Variants in PLCG2 observed in about 807,000 individuals in gnomAD.
PLCG2 encodes phospholipase C gamma 2, also known as 1-phosphatidylinositol 4,5-bisphosphate phosphodiesterase gamma-2.
PLCG2 carries 69 observed loss-of-function variants against 175.6 expected under a neutral mutation model. That is an observed-to-expected ratio of 0.39 (90% confidence interval 0.32 to 0.48). The LOEUF (loss-of-function observed/expected upper bound fraction) is 0.48. Among genes scored for constraint, PLCG2 ranks in the 20% least tolerant of loss-of-function variants. PLCG2 has a pLI of 0.91. For synonymous variants in PLCG2, 827 were observed against 624.0 expected (o/e 1.33, Z -4.85); for missense variants, 1,798 against 1,650.9 (o/e 1.09, Z -1.54).
At chr16:81,778,845 C>G (rs906864994), upstream of PLCG2, among the ~76,000 whole-genome samples, 28 of 152,208 alleles carry the variant, frequency 1.8e-4, no homozygotes, top group Middle Eastern at 3.4e-3. Context: ...GACGGAGTGT[C>G]TCTCGGCCAC....
chr16:81,789,522 C>G (rs1246027021), intron 2 of PLCG2, among the ~76,000 whole-genome samples: 1 of 152,220 alleles, frequency 6.6e-6, no homozygotes, highest in Non-Finnish European at 1.5e-5. Flanking sequence ...CTCCTGGCCT[C>G]AAGTGATCCT....
At chr16:81,879,536 A>G (rs1336291322) in intron 7 of PLCG2, among the ~76,000 whole-genome samples, 2 of 152,172 alleles carry the variant, frequency 1.3e-5, no homozygotes, top group African/African-American at 4.8e-5. Context: ...GAGGCCTGCG[A>G]TTCCCTTTCT....
intron 1 of PLCG2, among the ~76,000 whole-genome samples, chr16:81,783,715 A>G (rs1203412374): frequency 6.6e-6 from 1 of 152,236 alleles, no homozygotes; most frequent in Admixed American, 6.5e-5. Flanking sequence ...ATGGCTGCTT[A>G]ACAAGGATGA....
intron 1 of PLCG2, among the ~76,000 whole-genome samples, chr16:81,741,349 C>T (rs892224093): frequency 2.0e-5 from 3 of 152,170 alleles, no homozygotes; most frequent in African/African-American, 7.2e-5. Flanking sequence ...GAAGTAGAAT[C>T]GCTTCTATTT....
intron 1 of PLCG2, among the ~76,000 whole-genome samples, chr16:81,753,751 G>C (rs150280650): frequency 1.7e-3 from 262 of 152,314 alleles, no homozygotes; most frequent in African/African-American, 5.9e-3. Flanking sequence ...GGAGGTGACA[G>C]ATGCCACAGC....
intron 2 of PLCG2, among the ~76,000 whole-genome samples, chr16:81,769,712 T>C (rs575414887): frequency 5.5e-5 from 8 of 146,376 alleles, no homozygotes; most frequent in South Asian, 2.1e-4. Context: ...CCCAGCTACT[T>C]GGGAGGCTGA....
chr16:81,890,437 T>G (rs1421170585), intron 10 of PLCG2, among the ~76,000 whole-genome samples: 1 of 152,270 alleles, frequency 6.6e-6, no homozygotes, highest in Non-Finnish European at 1.5e-5. Flanking sequence ...TCTGTTTCAC[T>G]GTCATAATTT....
intron 17 of PLCG2, among the ~76,000 whole-genome samples, chr16:81,910,274 A>G (rs946320366): frequency 6.6e-6 from 1 of 152,152 alleles, no homozygotes; most frequent in Admixed American, 6.5e-5. Flanking sequence ...TATTTTTAGT[A>G]GAGACGAGAT....
At chr16:81,876,016 CTTTTTTTTT>C (rs547152035) in intron 7 of PLCG2, among the ~76,000 whole-genome samples, 4 of 114,992 alleles carry the variant, frequency 3.5e-5, no homozygotes, top group South Asian at 2.9e-4. Context: ...CTTTTTCTTT[CTTTTTTTTT>C]TTTTTTTTTT....
At chr16:81,744,555 T>C (rs563397299) in intron 1 of PLCG2, among the ~76,000 whole-genome samples, 15 of 152,196 alleles carry the variant, frequency 9.9e-5, no homozygotes, top group African/African-American at 3.6e-4. Flanking sequence ...ACTCCATAAA[T>C]AGCAGTCATG....
chr16:81,921,622 G>C lies in PLCG2; in HGVS notation c.2307+353G>C, dbSNP rs140446834. On this transcript the variant is annotated intron_variant, in intron 21 of 32. Coordinates refer to ENST00000564138, the MANE Select transcript of PLCG2 (RefSeq NM_002661.5). ...CATTTGGTTCACTGACCTCCTTGCAGTGCAAATGCTATCTCATATTCCCAC... is the reference window on the plus strand; with the variant it reads ...CATTTGGTTCACTGACCTCCTTGCACTGCAAATGCTATCTCATATTCCCAC... 1.0e-3 allele frequency: 358 copies of C among 355,672 alleles called. 1 individual carries two copies. The highest frequency in any genetic ancestry group is 7.0e-3 in the African/African-American group (327 of 47,026). The allele number at this position is 355,672 out of a possible 1,614,324, so 22.0% of individuals were successfully genotyped here.
intron 14 of PLCG2, among the ~76,000 whole-genome samples, chr16:81,901,458 G>A (rs1320532504): frequency 2.0e-5 from 3 of 152,200 alleles, no homozygotes; most frequent in South Asian, 4.1e-4. Flanking sequence ...TAGCCCACAA[G>A]GTGACTCAGG....
intron 2 of PLCG2, among the ~76,000 whole-genome samples, chr16:81,815,152 A>T (rs1672396605): frequency 6.6e-6 from 1 of 152,184 alleles, no homozygotes; most frequent in South Asian, 2.1e-4. Context: ...AGCACCTGTG[A>T]TATGACGCTC....
At chr16:81,880,083 G>GA (rs1908004614) in intron 7 of PLCG2, among the ~76,000 whole-genome samples, 1 of 152,098 alleles carries the variant, frequency 6.6e-6, no homozygotes, top group African/African-American at 2.4e-5. Flanking sequence ...TCTACAAAAA[G>GA]AAAAAATATT....
At chr16:81,839,485 C>T (rs1028763574) in intron 2 of PLCG2, among the ~76,000 whole-genome samples, 2 of 152,090 alleles carry the variant, frequency 1.3e-5, no homozygotes, top group African/African-American at 4.8e-5. Flanking sequence ...AAGTAATGAG[C>T]CCTTCCTTTA....
upstream of PLCG2, among the ~76,000 whole-genome samples, chr16:81,778,042 A>C (rs1232804915): frequency 4.0e-5 from 4 of 101,100 alleles, no homozygotes; most frequent in South Asian, 3.8e-4. Context: ...CAAAAAAAAA[A>C]CAAAAAAAAA....
intron 11 of PLCG2, among the ~76,000 whole-genome samples, chr16:81,892,356 A>G (rs915090273): frequency 6.6e-6 from 1 of 152,172 alleles, no homozygotes; most frequent in Non-Finnish European, 1.5e-5. Context: ...AGGAGGATAC[A>G]GGATGTTGCG....
chr16:81,925,482 C>T (rs991563457), intron 22 of PLCG2, among the ~76,000 whole-genome samples: 4 of 152,198 alleles, frequency 2.6e-5, no homozygotes, highest in Non-Finnish European at 4.4e-5. Context: ...TTACAACCCG[C>T]AGTCCTGTGT....
chr16:81,872,923 C>T lies in PLCG2; in HGVS notation c.648+1988C>T, dbSNP rs555336722. 8.5e-5 allele frequency among the ~76,000 whole-genome samples: 13 copies of T among 152,340 alleles called. No individual in the cohort carries two copies. In the East Asian group the frequency reaches 2.3e-3, roughly 27 times the overall value. ...TCTGCATGCAGAGCTGTGGGCTGGC[C>T]ACACAGTGAGGCCACCTGATGGGTG... On this transcript the variant is annotated intron_variant, in intron 7 of 32. Transcript: ENST00000564138.
Sources: gnomAD v4.1 joint callset for allele counts (sites outside exome capture counted in the v4.1 genomes callset) on GRCh38, gnomAD v4.1.1 for gene constraint, MANE v1.5 for transcripts, NCBI Gene and HGNC (gene_info 2026-07-23, HGNC 2026-07-21) for gene names.